TBC1D22A: variants seen among roughly 807,000 people sequenced by gnomAD.
The protein encoded by TBC1D22A is TBC1 domain family member 22A.
TBC1D22A carries 38 observed loss-of-function variants against 60.2 expected under a neutral mutation model. The observed-to-expected ratio is 0.63, with a 90% confidence interval of 0.49 to 0.83. TBC1D22A has a LOEUF of 0.83. Ranked by LOEUF, TBC1D22A falls within the 40% of genes least tolerant of loss-of-function variation. The pLI is 0.00. For missense variants in TBC1D22A, 628 were observed against 701.0 expected, an observed-to-expected ratio of 0.90 and a Z score of 1.18; for synonymous variants, 302 against 281.7, an observed-to-expected ratio of 1.07 and a Z score of -0.72.
At chr22:46,978,185 G>T (rs745368378) in intron 9 of TBC1D22A, among the ~76,000 whole-genome samples, 1 of 152,206 alleles carries the variant, frequency 6.6e-6, no homozygotes, top group Non-Finnish European at 1.5e-5. Context: ...GCAGGGACAC[G>T]GGCTCTGCCA....
intron 12 of TBC1D22A, among the ~76,000 whole-genome samples, chr22:47,160,409 G>A (rs1288123456): frequency 6.6e-6 from 1 of 152,224 alleles, no homozygotes; most frequent in Non-Finnish European, 1.5e-5. Flanking sequence ...CCTGGGAGAA[G>A]GGAACGTCCT....
chr22:47,061,407 C>T (rs1165040689), intron 11 of TBC1D22A, among the ~76,000 whole-genome samples: 2 of 151,996 alleles, frequency 1.3e-5, no homozygotes, highest in Non-Finnish European at 2.9e-5. Flanking sequence ...TGCTTGGTTC[C>T]CTGGTTCTGG....
At chr22:47,036,540 C>T (rs1339614942) in intron 10 of TBC1D22A, among the ~76,000 whole-genome samples, 1 of 152,216 alleles carries the variant, frequency 6.6e-6, no homozygotes, top group Admixed American at 6.5e-5. Flanking sequence ...GTGTCCCCAT[C>T]CTGCAGTCGA....
chr22:46,804,585 G>A (rs368097910), intron 4 of TBC1D22A, among the ~76,000 whole-genome samples: 4 of 152,164 alleles, frequency 2.6e-5, no homozygotes, highest in Non-Finnish European at 5.9e-5. Flanking sequence ...CAGCATTGCC[G>A]GCATCCTTTT....
At chr22:46,775,722 T>A (rs1314810257) in intron 1 of TBC1D22A, among the ~76,000 whole-genome samples, 1 of 152,250 alleles carries the variant, frequency 6.6e-6, no homozygotes, top group Non-Finnish European at 1.5e-5. Flanking sequence ...TGTGCCTGCC[T>A]CAGCCGTCAT....
At chr22:46,928,806 G>A (rs2071189585) in intron 8 of TBC1D22A, among the ~76,000 whole-genome samples, 1 of 152,104 alleles carries the variant, frequency 6.6e-6, no homozygotes, top group South Asian at 2.1e-4. Flanking sequence ...ATAAAAGATG[G>A]CCCACATCAT....
At chr22:46,788,302 A>G (rs934361448) in intron 1 of TBC1D22A, among the ~76,000 whole-genome samples, 2 of 152,186 alleles carry the variant, frequency 1.3e-5, no homozygotes, top group Non-Finnish European at 2.9e-5. Flanking sequence ...AAGAGTAATG[A>G]TATCTGCCTT....
intron 11 of TBC1D22A, among the ~76,000 whole-genome samples, chr22:47,098,921 G>T (rs1221807733): frequency 6.6e-6 from 1 of 152,164 alleles, no homozygotes; most frequent in Non-Finnish European, 1.5e-5. Flanking sequence ...AGGCGTAGGG[G>T]GCAGTCAGGT....
intron 7 of TBC1D22A, among the ~76,000 whole-genome samples, chr22:46,908,877 C>T (rs762222350): frequency 2.0e-5 from 3 of 152,180 alleles, no homozygotes; most frequent in African/African-American, 4.8e-5. Context: ...TTCCATGTCT[C>T]TCCCGAGGCT....
chr22:46,774,716 C>T lies in TBC1D22A; in HGVS notation c.62+11868C>T, dbSNP rs142155814. On this transcript the variant is annotated intron_variant, in intron 1 of 12. Coordinates refer to ENST00000337137, the MANE Select transcript of TBC1D22A (RefSeq NM_014346.5). ...GGTTCACCTTCAGGCCCATCCAAGG[C>T]AGAGCCCTTTCCGGCTTCGGGGCCC... 6.8e-3 allele frequency among the ~76,000 whole-genome samples: 1,034 copies of T among 152,320 alleles called. 8 individuals are homozygous for T. Among genetic ancestry groups the T allele is most frequent in the Admixed American group, 9.9e-3 (152 of 15,304 alleles).
intron 4 of TBC1D22A, among the ~76,000 whole-genome samples, chr22:46,876,463 A>G (rs941411368): frequency 1.3e-5 from 2 of 152,188 alleles, no homozygotes; most frequent in South Asian, 2.1e-4. Context: ...GTATTTGGCC[A>G]TCTTGCTTAT....
chr22:46,915,259 G>A, intron 8 of TBC1D22A: 9 of 389,150 alleles, frequency 2.3e-5, no homozygotes, highest in South Asian at 1.7e-4. Flanking sequence ...GCAGGGTCCA[G>A]CACCGGCAGA....
At chr22:47,157,490 T>C (rs921596014) in intron 12 of TBC1D22A, among the ~76,000 whole-genome samples, 1 of 152,206 alleles carries the variant, frequency 6.6e-6, no homozygotes, top group African/African-American at 2.4e-5. Context: ...TAGGTGTCCT[T>C]GCCGCTGCAC....
Position 47,010,712 on chromosome 22 carries a change from C to T in TBC1D22A, c.1201+13003C>T, listed in dbSNP as rs115080571. ...GCTACCCCAGGCAGGAATTTGCTCT[C>T]TTGTTGGATGGATGTCCTGAGTTTC... On this transcript the variant is annotated intron_variant, in intron 10 of 12. Coordinates refer to ENST00000337137, the MANE Select transcript of TBC1D22A (RefSeq NM_014346.5). Among the ~76,000 whole-genome samples, 640 of 152,306 alleles carry T rather than the reference C, an allele frequency of 4.2e-3. 4 individuals carry two copies. The highest frequency in any genetic ancestry group is 0.015 in the African/African-American group (607 of 41,556).
At chr22:46,765,105 C>G (rs1021589971) in intron 1 of TBC1D22A, among the ~76,000 whole-genome samples, 5 of 152,174 alleles carry the variant, frequency 3.3e-5, no homozygotes, top group Non-Finnish European at 1.5e-5. Context: ...TCTGTATTAC[C>G]TTTGTGAAGT....
At chr22:46,805,363 A>G (rs564861177) in intron 4 of TBC1D22A, among the ~76,000 whole-genome samples, 1 of 152,322 alleles carries the variant, frequency 6.6e-6, no homozygotes, top group East Asian at 1.9e-4. Flanking sequence ...GCTGTAGGTA[A>G]CAGAAAAGCA....
At chr22:47,030,283 A>G (rs966883832) in intron 10 of TBC1D22A, among the ~76,000 whole-genome samples, 3 of 152,226 alleles carry the variant, frequency 2.0e-5, no homozygotes, top group African/African-American at 7.2e-5. Context: ...AGTGTGAGCC[A>G]TTATGCTGCT....
At chr22:46,935,550 AAAGCTCG>A (rs1471684949) in intron 8 of TBC1D22A, among the ~76,000 whole-genome samples, 2 of 152,332 alleles carry the variant, frequency 1.3e-5, no homozygotes, top group East Asian at 3.9e-4. Flanking sequence ...AAATGGATTC[AAAGCTCG>A]AAGTTTGGGT....
chr22:47,112,556 G>T (rs2065890123), intron 12 of TBC1D22A, among the ~76,000 whole-genome samples: 1 of 152,210 alleles, frequency 6.6e-6, no homozygotes, highest in Non-Finnish European at 1.5e-5. Flanking sequence ...GGAGGAGCCA[G>T]GGACCTCCTG....
Sources: allele counts gnomAD v4.1 joint callset (sites outside exome capture counted in the v4.1 genomes callset), GRCh38; gene constraint gnomAD v4.1.1; transcripts MANE v1.5; gene names NCBI Gene and HGNC (gene_info 2026-07-23, HGNC 2026-07-21).